The following FNDC3B variants were observed in gnomAD, a reference collection of about 807,000 sequenced individuals.
FNDC3B encodes the protein fibronectin type III domain containing 3B.
In FNDC3B, 12 loss-of-function variants were observed where a neutral mutation model predicts 151.5. The ratio of observed to expected loss-of-function variants is 0.08; its 90% CI spans 0.05 to 0.13. The LOEUF is 0.13. FNDC3B is among the 10% of genes least tolerant of loss of function. The pLI, the probability that FNDC3B is intolerant of heterozygous loss-of-function variation, is 1.00. For missense variants in FNDC3B, 1,214 were observed against 1,505.3 expected (o/e 0.81, Z 3.20); for synonymous variants, 528 against 549.0 (o/e 0.96, Z 0.54).
chr3:172,300,922 G>T (rs367675603), intron 9 of FNDC3B, among the ~76,000 whole-genome samples: 1 of 152,066 alleles, frequency 6.6e-6, no homozygotes, highest in African/African-American at 2.4e-5. Context: ...TTACAGTCTT[G>T]TCTTTTTTAG....
chr3:172,314,690 A>T (rs560616570), intron 11 of FNDC3B, among the ~76,000 whole-genome samples: 9 of 152,252 alleles, frequency 5.9e-5, no homozygotes, highest in Non-Finnish European at 1.3e-4. Flanking sequence ...TTAAAAAAAG[A>T]CTTGCATGGA....
intron 25 of FNDC3B, among the ~76,000 whole-genome samples, chr3:172,386,983 G>C (rs1735749453): frequency 6.6e-6 from 1 of 151,918 alleles, no homozygotes; most frequent in Admixed American, 6.6e-5. Context: ...TTGAGATGGA[G>C]TCTCGCTCTG....
chr3:172,291,333 A>G (rs945897134), intron 7 of FNDC3B, among the ~76,000 whole-genome samples: 3 of 152,248 alleles, frequency 2.0e-5, no homozygotes, highest in Non-Finnish European at 2.9e-5. Context: ...GAGTCCTTCA[A>G]GGTGCTCAAA....
intron 4 of FNDC3B, among the ~76,000 whole-genome samples, chr3:172,245,542 G>GA (rs1386035194): frequency 6.6e-6 from 1 of 151,834 alleles, no homozygotes; most frequent in Non-Finnish European, 1.5e-5. Context: ...CAGATCGTAG[G>GA]AAAAAAATCA....
chr3:172,372,891 G>T (rs1453559655), intron 23 of FNDC3B, among the ~76,000 whole-genome samples: 1 of 152,220 alleles, frequency 6.6e-6, no homozygotes, highest in East Asian at 1.9e-4. Flanking sequence ...CGAGGTAGAT[G>T]CTGTGCCCAT....
intron 4 of FNDC3B, among the ~76,000 whole-genome samples, chr3:172,239,697 AG>A (rs1727370504): frequency 6.6e-6 from 1 of 151,288 alleles, no homozygotes; most frequent in Non-Finnish European, 1.5e-5. Flanking sequence ...AAAGAGCTTC[AG>A]GAAGTGAGGA....
rs954335319 is a variant in FNDC3B at position 172,395,993 on chromosome 3, G to T, written c.3304-1171G>T. Among the ~76,000 whole-genome samples, 3 of 152,158 alleles carry T rather than the reference G, an allele frequency of 2.0e-5. No individual in the cohort carries two copies. The East Asian group carries it at 5.8e-4, about 29-fold the overall frequency. On this transcript the variant is annotated intron_variant, in intron 25 of 25. Transcript: ENST00000415807. The stretch of plus-strand genomic sequence containing the variant: ...CAATCTCTTGAGAAAACTGTTTCTT[G>T]TGAAGTTAACTACAGAACTACTCTG...
intron 2 of FNDC3B, among the ~76,000 whole-genome samples, chr3:172,122,356 C>T (rs1006105626): frequency 6.6e-6 from 1 of 152,020 alleles, no homozygotes; most frequent in Non-Finnish European, 1.5e-5. Context: ...TGCTGAAGTG[C>T]TGTAGTGTTT....
chr3:172,071,120 C>T (rs1209555525), intron 1 of FNDC3B, among the ~76,000 whole-genome samples: 2 of 152,074 alleles, frequency 1.3e-5, no homozygotes, highest in Non-Finnish European at 1.5e-5. Flanking sequence ...ATTTTTCAGA[C>T]TTAATTATTC....
chr3:172,071,257 T>G (rs1485381103), intron 1 of FNDC3B, among the ~76,000 whole-genome samples: 1 of 152,230 alleles, frequency 6.6e-6, no homozygotes, highest in Non-Finnish European at 1.5e-5. Flanking sequence ...TAGTATACCC[T>G]AAGCTTACTC....
At chr3:172,348,120 C>A (rs1227791186) in intron 21 of FNDC3B, among the ~76,000 whole-genome samples, 1 of 152,136 alleles carries the variant, frequency 6.6e-6, no homozygotes, top group Non-Finnish European at 1.5e-5. Context: ...AAGAGAGATA[C>A]AAAGATTAAT....
chr3:172,118,726 A>G (rs1293027278), intron 2 of FNDC3B, among the ~76,000 whole-genome samples: 1 of 152,212 alleles, frequency 6.6e-6, no homozygotes, highest in Non-Finnish European at 1.5e-5. Context: ...CAGCATCAAG[A>G]TGCGTGAGAA....
chr3:172,352,228 G>A lies in FNDC3B; in HGVS notation c.2515-575G>A, dbSNP rs1733890114. Among the ~76,000 whole-genome samples, 1 of 152,152 alleles carries A rather than the reference G, an allele frequency of 6.6e-6. No individual in the cohort carries two copies. The highest frequency in any genetic ancestry group is 1.5e-5 in the Non-Finnish European group (1 of 68,038). ...GATGAATAAGCATTTGAAAGACCTG[G>A]GAGTGATCAAGGTGTCAGCTGTTTC... On this transcript the variant is annotated intron_variant, in intron 21 of 25. Transcript: ENST00000415807. This position sits in a 1 kb window ranked among gnomAD's most constrained non-coding sequence, Gnocchi z 4.2.
intron 4 of FNDC3B, among the ~76,000 whole-genome samples, chr3:172,232,600 A>G (rs1726945826): frequency 6.6e-6 from 1 of 152,180 alleles, no homozygotes; most frequent in African/African-American, 2.4e-5. Context: ...TAGTGGGATG[A>G]GAGGTAGAGG....
chr3:172,309,469 G>A (rs1299287891), intron 10 of FNDC3B, among the ~76,000 whole-genome samples: 1 of 120,462 alleles, frequency 8.3e-6, no homozygotes, highest in East Asian at 2.3e-4. Flanking sequence ...TCTTAGAGAT[G>A]GGTTCTCATC....
intron 19 of FNDC3B, 29 bp from the exon 20 acceptor site, chr3:172,346,298 T>C (rs1268803331): frequency 7.6e-7 from 1 of 1,317,732 alleles, no homozygotes; most frequent in African/African-American, 1.4e-5. Flanking sequence ...CATATATACA[T>C]ACGTGTGTGT....
At chr3:172,341,554 C>T (rs1733325203) in intron 17 of FNDC3B, among the ~76,000 whole-genome samples, 1 of 152,120 alleles carries the variant, frequency 6.6e-6, no homozygotes, top group Admixed American at 6.5e-5. Context: ...TCGGTTATTG[C>T]AATGATTAAA....
chr3:172,041,491 CTTT>C (rs10576188), intron 1 of FNDC3B, among the ~76,000 whole-genome samples: 11 of 136,110 alleles, frequency 8.1e-5, no homozygotes, highest in Non-Finnish European at 1.6e-4. Flanking sequence ...TGTTCTTCTT[CTTT>C]TTTTTTTTTT....
At chr3:172,039,984 G>C (rs560775350) in intron 1 of FNDC3B, among the ~76,000 whole-genome samples, 1 of 152,188 alleles carries the variant, frequency 6.6e-6, no homozygotes, top group South Asian at 2.1e-4. Context: ...GGACCCGGGA[G>C]GGGGCGGCCC....
Sources: gnomAD v4.1 joint callset for allele counts (sites outside exome capture counted in the v4.1 genomes callset) on GRCh38, gnomAD v4.1.1 for gene constraint, Gnocchi (gnomAD v3.1) non-coding constraint, MANE v1.5 for transcripts, NCBI Gene and HGNC (gene_info 2026-07-23, HGNC 2026-07-21) for gene names.